Variants in ROBO2 observed in about 807,000 individuals in gnomAD.
ROBO2 encodes the protein roundabout homolog 2.
In ROBO2, 53 loss-of-function variants were observed where a neutral mutation model predicts 160.8. That is an observed-to-expected ratio of 0.33 (90% confidence interval 0.26 to 0.41). ROBO2 has a LOEUF of 0.41. Ranked by LOEUF, ROBO2 falls within the 10% of genes least tolerant of loss-of-function variation. The pLI, the probability that ROBO2 is intolerant of heterozygous loss-of-function variation, is 1.00. For synonymous variants in ROBO2, 664 were observed against 611.7 expected (o/e 1.09, Z -1.26); for missense variants, 1,577 against 1,722.4 (o/e 0.92, Z 1.49).
At chr3:76,568,599 C>A (rs912467315) in intron 2 of ROBO2, among the ~76,000 whole-genome samples, 9 of 152,090 alleles carry the variant, frequency 5.9e-5, no homozygotes. Flanking sequence ...AGCCACCGCG[C>A]CTGGCCACAT....
intron 2 of ROBO2, among the ~76,000 whole-genome samples, chr3:76,962,172 T>C (rs1182325330): frequency 6.6e-6 from 1 of 152,064 alleles, no homozygotes; most frequent in Non-Finnish European, 1.5e-5. Context: ...CTGTCTCTAC[T>C]AGAAATACAA....
chr3:77,203,925 C>T (rs760312495), intron 2 of ROBO2, among the ~76,000 whole-genome samples: 5 of 152,170 alleles, frequency 3.3e-5, no homozygotes, highest in Non-Finnish European at 5.9e-5. Flanking sequence ...GCAAAGTTGC[C>T]TCTCTGCATG....
intron 2 of ROBO2, among the ~76,000 whole-genome samples, chr3:77,032,816 G>T (rs1175904234): frequency 2.5e-5 from 2 of 80,968 alleles, no homozygotes; most frequent in South Asian, 2.9e-4. Context: ...GAGCGCCAAG[G>T]GGGTAAGGTA....
At chr3:76,652,922 G>A (rs1215354097) in intron 2 of ROBO2, among the ~76,000 whole-genome samples, 2 of 151,836 alleles carry the variant, frequency 1.3e-5, no homozygotes, top group East Asian at 1.9e-4. Flanking sequence ...TCTACATATG[G>A]GACCTATAAG....
chr3:76,797,256 A>T (rs2063770881), intron 2 of ROBO2, among the ~76,000 whole-genome samples: 1 of 152,268 alleles, frequency 6.6e-6, no homozygotes, highest in African/African-American at 2.4e-5. Flanking sequence ...TTCTTCTCTG[A>T]CCACAATGGA....
intron 2 of ROBO2, among the ~76,000 whole-genome samples, chr3:77,381,504 G>A (rs1360278063): frequency 6.6e-6 from 1 of 152,176 alleles, no homozygotes; most frequent in African/African-American, 2.4e-5. Context: ...AAATGTGCAT[G>A]AAGGACCTTT....
intron 2 of ROBO2, among the ~76,000 whole-genome samples, chr3:75,985,402 T>C (rs2065388254): frequency 6.6e-6 from 1 of 151,638 alleles, no homozygotes; most frequent in African/African-American, 2.4e-5. Context: ...CATGTTACTG[T>C]ACTGAATATT....
chr3:76,710,696 G>GAAC lies in ROBO2; in HGVS notation c.110-387317_110-387315dup, dbSNP rs1247950475. Among the ~76,000 whole-genome samples, 278 of 152,240 alleles carry GAAC rather than the reference G, an allele frequency of 1.8e-3. 2 individuals carry two copies. Among genetic ancestry groups the GAAC allele is most frequent in the Non-Finnish European group, 3.1e-3 (212 of 68,014 alleles). Reference sequence around the variant, plus strand: ...AAAAGAAAGGTGGATAGAGAATAATGAACTATTGAAGGATTACTTTTTTGT... The same window carrying GAAC: ...AAAAGAAAGGTGGATAGAGAATAATGAACAACTATTGAAGGATTACTTTTTTGT... On this transcript the variant is annotated intron_variant, in intron 2 of 26. Transcript: ENST00000487694.
chr3:77,148,217 C>T (rs907688913), intron 2 of ROBO2, among the ~76,000 whole-genome samples: 9 of 152,160 alleles, frequency 5.9e-5, no homozygotes, highest in East Asian at 1.9e-4. Context: ...CCTTAAGCCC[C>T]GTGGCAATCA....
rs1164233852 is a variant in ROBO2 at position 76,272,840 on chromosome 3, T to TTTATATATAAAATATATAA, written c.109+335239_109+335240insTATATATAAAATATATAAT. Among the ~76,000 whole-genome samples, 2 of 2,978 alleles carry TTTATATATAAAATATATAA rather than the reference T, an allele frequency of 6.7e-4. 1 individual carries two copies. Among genetic ancestry groups the TTTATATATAAAATATATAA allele is most frequent in the African/African-American group, 1.3e-3 (2 of 1,548 alleles). The allele number at this position is 2,978 out of a possible 152,430, so 2.0% of individuals were successfully genotyped here. On this transcript the variant is annotated intron_variant, in intron 2 of 26. Transcript: ENST00000487694. ...TGTATTTATATATAAAATATATATA[T>TTTATATATAAAATATATAA]TATATATTATATATAAAATATATAA...
At chr3:77,453,568 T>A (rs1582074397) in intron 2 of ROBO2, among the ~76,000 whole-genome samples, 2 of 152,150 alleles carry the variant, frequency 1.3e-5, no homozygotes, top group East Asian at 3.9e-4. Context: ...TTCATATAAC[T>A]TGAGACTTTT....
rs530270125 is a variant in ROBO2, at chr3:77,616,295, A to G, written c.3294-1218A>G. On this transcript the variant is annotated intron_variant, in intron 21 of 25. Transcript: ENST00000461745. ...AATATAGTATATGGATGTTGAGGAA[A>G]TAGTGCGAGATTAAGCTGGAAAGAT... 2.0e-5 allele frequency among the ~76,000 whole-genome samples: 3 copies of G among 152,272 alleles called. No individual in the cohort carries two copies. In the South Asian group the frequency reaches 6.2e-4, roughly 32 times the overall value.
At chr3:76,553,383 G>C (rs2083527992) in intron 2 of ROBO2, among the ~76,000 whole-genome samples, 1 of 152,142 alleles carries the variant, frequency 6.6e-6, no homozygotes, top group South Asian at 2.1e-4. Context: ...ATGCTACCCG[G>C]TTTTTATAAC....
chr3:77,177,444 A>G (rs1395713551), intron 2 of ROBO2, among the ~76,000 whole-genome samples: 1 of 152,010 alleles, frequency 6.6e-6, no homozygotes, highest in Non-Finnish European at 1.5e-5. Context: ...TTAAAAAAAG[A>G]CTTTAAAAGT....
At chr3:76,368,628 G>A (rs980070570) in intron 2 of ROBO2, among the ~76,000 whole-genome samples, 13 of 151,908 alleles carry the variant, frequency 8.6e-5, no homozygotes, top group South Asian at 2.1e-4. Flanking sequence ...CAGACTGACC[G>A]TTTCAAGAGA....
At chr3:77,216,607 C>G (rs1222244052) in intron 2 of ROBO2, among the ~76,000 whole-genome samples, 4 of 152,144 alleles carry the variant, frequency 2.6e-5, no homozygotes, top group Non-Finnish European at 5.9e-5. Flanking sequence ...CGACATTCCC[C>G]AGTGAGATGA....
intron 2 of ROBO2, among the ~76,000 whole-genome samples, chr3:76,900,517 G>C (rs1335990546): frequency 2.4e-4 from 37 of 152,112 alleles, no homozygotes; most frequent in Admixed American, 2.4e-3. Flanking sequence ...CTTTTCTCAA[G>C]ACTCTAGAAG....
intron 8 of ROBO2, among the ~76,000 whole-genome samples, chr3:77,552,630 G>A (rs2153654729): frequency 6.6e-6 from 1 of 152,106 alleles, no homozygotes; most frequent in African/African-American, 2.4e-5. Context: ...TGTTACAACT[G>A]GCTTGAGTAT....
At chr3:77,015,860 A>G (rs2062207167) in intron 2 of ROBO2, among the ~76,000 whole-genome samples, 1 of 152,224 alleles carries the variant, frequency 6.6e-6, no homozygotes, top group Admixed American at 6.5e-5. Context: ...ACATGTCTAC[A>G]TTAGCACAGC....
Sources: allele counts gnomAD v4.1 joint callset (sites outside exome capture counted in the v4.1 genomes callset), GRCh38; gene constraint gnomAD v4.1.1; transcripts MANE v1.5; gene names NCBI Gene and HGNC (gene_info 2026-07-23, HGNC 2026-07-21).